The following SHANK2 variants were observed in gnomAD, a reference collection of about 807,000 sequenced individuals.
SHANK2 encodes SH3 and multiple ankyrin repeat domains protein 2.
Under a neutral mutation model 133.7 loss-of-function variants are expected in SHANK2, and 43 were observed. The ratio of observed to expected loss-of-function variants is 0.32; its 90% confidence interval spans 0.25 to 0.41. SHANK2 has a LOEUF of 0.41. Ranked by LOEUF, SHANK2 falls within the 10% of genes least tolerant of loss-of-function variation. The pLI is 1.00. For missense variants in SHANK2, 1,994 were observed against 2,235.8 expected, an observed-to-expected ratio of 0.89 and a Z score of 2.18; for synonymous variants, 1,017 against 952.8, an observed-to-expected ratio of 1.07 and a Z score of -1.24.
chr11:71,070,743 T>C (rs1951132085), intron 9 of SHANK2, among the ~76,000 whole-genome samples: 1 of 152,264 alleles, frequency 6.6e-6, no homozygotes, highest in Non-Finnish European at 1.5e-5. Flanking sequence ...ATGGCTGCTT[T>C]TGCACTACAG....
chr11:71,198,819 G>T (rs1953963821), intron 2 of SHANK2, among the ~76,000 whole-genome samples: 1 of 152,240 alleles, frequency 6.6e-6, no homozygotes, highest in African/African-American at 2.4e-5. Context: ...TTCAAAGGCA[G>T]AGTTGGTTCT....
intron 14 of SHANK2, among the ~76,000 whole-genome samples, chr11:70,771,119 T>A (rs1555042690): frequency 2.0e-5 from 3 of 151,170 alleles, no homozygotes; most frequent in Admixed American, 1.3e-4. Context: ...TAGAGATGAG[T>A]TTTCATCATG....
At chr11:70,731,574 T>C (rs1314422391) in intron 14 of SHANK2, among the ~76,000 whole-genome samples, 4 of 152,220 alleles carry the variant, frequency 2.6e-5, no homozygotes, top group Non-Finnish European at 2.9e-5. Context: ...ATGTGTGCTG[T>C]GTCAGTCCCT....
intron 10 of SHANK2, among the ~76,000 whole-genome samples, chr11:70,923,023 T>C (rs1023123007): frequency 1.3e-5 from 2 of 152,168 alleles, no homozygotes; most frequent in Non-Finnish European, 2.9e-5. Context: ...TATATTACTA[T>C]AAATCTACAA....
chr11:70,667,818 A>G (rs186627189), intron 15 of SHANK2: 4 of 152,328 alleles, frequency 2.6e-5, no homozygotes, highest in Non-Finnish European at 5.9e-5. Flanking sequence ...AGATGTGGAC[A>G]TTTTAACTCT....
rs1336314760 is a variant in SHANK2, at chr11:70,471,252, C to T, written c.*1617G>A. On this transcript the variant is annotated 3_prime_UTR_variant, in exon 26 of 26. Transcript: ENST00000601538. This position sits in a 1 kb window ranked among gnomAD's most constrained non-coding sequence, Gnocchi z 4.1. Reference sequence around the variant, plus strand: ...ATTCTAGAGCTGTTCCAGACCTAATCAAGAAAAAAAGGAAAAAAAAAAAAC... The same window carrying T: ...ATTCTAGAGCTGTTCCAGACCTAATTAAGAAAAAAAGGAAAAAAAAAAAAC... 1 of 382,518 alleles carries T rather than the reference C, an allele frequency of 2.6e-6. No individual in the cohort carries two copies. Among genetic ancestry groups the T allele is most frequent in the Non-Finnish European group, 4.5e-6 (1 of 221,154 alleles). 23.7% of individuals were successfully genotyped at this position (382,518 alleles called of 1,614,324 possible). A position where few individuals can be genotyped will look rare whatever the true frequency, so the allele number is the denominator to read the frequency against.
intron 15 of SHANK2, among the ~76,000 whole-genome samples, chr11:70,674,253 CCT>C (rs1298631793): frequency 6.6e-6 from 1 of 152,184 alleles, no homozygotes; most frequent in African/African-American, 2.4e-5. Flanking sequence ...GCCAAAGAAA[CCT>C]CTTTTCTTTA....
chr11:70,914,855 C>T (rs1386953142), intron 10 of SHANK2, among the ~76,000 whole-genome samples: 1 of 147,368 alleles, frequency 6.8e-6, no homozygotes, highest in African/African-American at 2.5e-5. Context: ...GCTATAATCG[C>T]ACCACTGCAC....
rs202196892 is a variant in SHANK2, at chr11:70,820,516, G to A, written c.1341C>T (p.Pro447=). The part of the protein sequence containing the change: ...STATSHRSLS[P]QLLQQMPSKP... ...TGCTGGGCATCTGCTGCAGCAGCTG[G>A]GGTGACAGGCTGCGGTGCGAGGTGG... Residue 447 remains proline (P), a synonymous_variant, in exon 12 of 26, where the codon CCC becomes CCT. Coordinates refer to ENST00000601538, the MANE Select transcript of SHANK2 (RefSeq NM_012309.5). 1,175 of 717,126 alleles carry A rather than the reference G, an allele frequency of 1.6e-3. 7 individuals carry two copies. In the Middle Eastern group the frequency reaches 0.018, roughly 11 times the overall value. The allele number at this position is 717,126 out of a possible 1,614,324, so 44.4% of individuals were successfully genotyped here.
intron 10 of SHANK2, among the ~76,000 whole-genome samples, chr11:70,950,762 C>G (rs1379186436): frequency 2.0e-5 from 3 of 151,948 alleles, no homozygotes; most frequent in Admixed American, 2.0e-4. Context: ...TGCATGCCAC[C>G]ATGCCCAGCT....
chr11:70,827,646 T>C (rs1358760205), intron 11 of SHANK2, among the ~76,000 whole-genome samples: 1 of 149,170 alleles, frequency 6.7e-6, no homozygotes, highest in Non-Finnish European at 1.5e-5. Flanking sequence ...GTGTTTTTTT[T>C]TTTTTTTTTT....
intron 7 of SHANK2, 105 bp downstream of exon 7, chr11:71,094,432 C>T: frequency 6.9e-6 from 8 of 1,153,580 alleles, no homozygotes; most frequent in Non-Finnish European, 9.7e-6. Flanking sequence ...TGGGCCGGAA[C>T]ACTGTGCACG....
At position 70,739,301 on chromosome 11, in the gene SHANK2, C is replaced by T. The variant is rs1341471974; in HGVS notation, c.1778-40538G>A. Among the ~76,000 whole-genome samples the T allele has an allele frequency of 6.6e-6, 1 of 152,204 alleles. No individual in the cohort carries two copies. Among genetic ancestry groups the T allele is most frequent in the East Asian group, 1.9e-4 (1 of 5,192 alleles). On this transcript the variant is annotated intron_variant, in intron 14 of 25. Coordinates refer to ENST00000601538, the MANE Select transcript of SHANK2 (RefSeq NM_012309.5). This position sits in a 1 kb window ranked among gnomAD's most constrained non-coding sequence, Gnocchi z 4.3. ...CTCCACCCATCTCCACTCATCTCCACCCATCTCCACACATCTCCACACATC... is the reference window on the plus strand; with the variant it reads ...CTCCACCCATCTCCACTCATCTCCATCCATCTCCACACATCTCCACACATC...
intron 11 of SHANK2, 140 bp downstream of exon 11, chr11:70,896,361 T>C: frequency 1.7e-6 from 1 of 572,026 alleles, no homozygotes; most frequent in Non-Finnish European, 3.1e-6. Context: ...AGACAGAAAA[T>C]GGGCTAATAC....
At chr11:71,125,140 A>T (rs1181969551) in intron 3 of SHANK2, among the ~76,000 whole-genome samples, 4 of 152,142 alleles carry the variant, frequency 2.6e-5, no homozygotes, top group African/African-American at 9.7e-5. Context: ...CTATGCCCCG[A>T]GACACAATAA....
intron 2 of SHANK2, among the ~76,000 whole-genome samples, chr11:71,201,433 A>G (rs1338744771): frequency 1.3e-5 from 2 of 152,190 alleles, no homozygotes; most frequent in Non-Finnish European, 2.9e-5. Flanking sequence ...AAGGGTGATC[A>G]CCACGCTGTG....
At chr11:71,213,952 C>T (rs1251576405) in intron 2 of SHANK2, among the ~76,000 whole-genome samples, 1 of 152,124 alleles carries the variant, frequency 6.6e-6, no homozygotes, top group African/African-American at 2.4e-5. Flanking sequence ...CACAAGCCAA[C>T]CACCCCTTTT....
At chr11:70,839,504 CAA>C (rs1163268936) in intron 11 of SHANK2, among the ~76,000 whole-genome samples, 3 of 152,200 alleles carry the variant, frequency 2.0e-5, no homozygotes, top group Non-Finnish European at 4.4e-5. Context: ...CTACGTAAGC[CAA>C]AAAGTCCTGA....
At chr11:70,717,780 C>T (rs782087663) in intron 14 of SHANK2, among the ~76,000 whole-genome samples, 14 of 151,044 alleles carry the variant, frequency 9.3e-5, no homozygotes, top group Admixed American at 1.3e-4. Context: ...GTCCGTGGGG[C>T]GGCCTCATCT....
Sources: gnomAD v4.1 joint callset for allele counts (sites outside exome capture counted in the v4.1 genomes callset) on GRCh38, gnomAD v4.1.1 for gene constraint, Gnocchi (gnomAD v3.1) non-coding constraint, MANE v1.5 for transcripts, NCBI Gene and HGNC (gene_info 2026-07-23, HGNC 2026-07-21) for gene names.